The following GNPTG variants were observed in gnomAD, a reference collection of about 807,000 sequenced individuals.
GNPTG encodes N-acetylglucosamine-1-phosphotransferase subunit gamma.
A neutral mutation model predicts 43.8 loss-of-function variants in GNPTG; 46 were observed. The ratio of observed to expected loss-of-function variants is 1.05; its 90% CI spans 0.83 to 1.34. GNPTG has a LOEUF of 1.34. GNPTG is among the 40% of genes most tolerant of loss of function. GNPTG has a pLI of 0.00. For synonymous variants in GNPTG, 250 were observed against 172.8 expected, an observed-to-expected ratio of 1.45 and a Z score of -3.50; for missense variants, 549 against 411.3, an observed-to-expected ratio of 1.33 and a Z score of -2.90.
chr16:1,361,625 CAG>C, intron 3 of GNPTG, 116 bp from the exon 4 acceptor site: 6 of 1,012,734 alleles, frequency 5.9e-6, no homozygotes, highest in South Asian at 4.1e-5. Context: ...GCCTGGGTGA[CAG>C]AGTGAGACTC....
In GNPTG at chr16:1,355,533, C is replaced by T. The variant is rs147488361; in HGVS notation, c.178+3227C>T. Among the ~76,000 whole-genome samples the T allele has an allele frequency of 3.1e-3, 468 of 152,142 alleles. 4 individuals are homozygous for T. Among genetic ancestry groups the T allele is most frequent in the African/African-American group, 0.01 (430 of 41,494 alleles). On this transcript the variant is annotated intron_variant, in intron 3 of 10. Transcript: ENST00000204679. ...CCTCCACCAGATGAGTCGGGAGCCT[C>T]GTCCCTTGACAGCAGGAGGAGCAGA...
chr16:1,362,367 G>A (rs767424059), intron 7 of GNPTG, 47 bp downstream of exon 7: 26 of 1,607,682 alleles, frequency 1.6e-5, no homozygotes, highest in African/African-American at 2.7e-5. Context: ...AGCCGCGCAC[G>A]CAGCCCTGCT....
rs1162803274 is a variant in GNPTG, at chr16:1,361,734, C to T, written c.179-9C>T. The T allele has an allele frequency of 7.4e-6, 12 of 1,613,978 alleles. No homozygotes were observed. Among genetic ancestry groups the T allele is most frequent in the African/African-American group, 2.7e-5 (2 of 74,910 alleles). ...TGGACCCTGGGGATCAGTGTGAGGT[C>T]TCTTCCAGGACCCGTGCATCTCTTC... On this transcript the variant is annotated splice_polypyrimidine_tract_variant and intron_variant, in intron 3 of 10. Coordinates refer to ENST00000204679, the MANE Select transcript of GNPTG (RefSeq NM_032520.5).
intron 3 of GNPTG, 154 bp downstream of exon 3, chr16:1,352,460 C>A: frequency 2.6e-6 from 2 of 783,068 alleles, no homozygotes; most frequent in Non-Finnish European, 4.4e-6. Context: ...GAGAATATAC[C>A]AGAACGTTCT....
chr16:1,356,027 G>A (rs1348023224), intron 3 of GNPTG, among the ~76,000 whole-genome samples: 1 of 152,038 alleles, frequency 6.6e-6, no homozygotes, highest in Non-Finnish European at 1.5e-5. Flanking sequence ...TGGAGGTTGG[G>A]AGGGTACTGG....
intron 3 of GNPTG, chr16:1,360,733 T>C (rs1389895624): frequency 1.3e-5 from 2 of 152,230 alleles, no homozygotes; most frequent in Admixed American, 1.3e-4. Context: ...ATGAAACCAG[T>C]CCCTGGTGCC....
chr16:1,362,363 G>A (rs368117827), intron 7 of GNPTG, 43 bp downstream of exon 7: 34 of 1,608,734 alleles, frequency 2.1e-5, no homozygotes, highest in Admixed American at 5.0e-5. Flanking sequence ...GGTCAGCCGC[G>A]CACGCAGCCC....
intron 3 of GNPTG, among the ~76,000 whole-genome samples, chr16:1,358,006 A>C (rs1057148403): frequency 6.6e-6 from 1 of 151,396 alleles, no homozygotes; most frequent in Admixed American, 6.6e-5. Flanking sequence ...CGTGGCTGAC[A>C]GTCTCGGTGG....
chr16:1,362,385 C>CT, intron 7 of GNPTG, 65 bp downstream of exon 7: 1 of 1,609,868 alleles, frequency 6.2e-7, no homozygotes, highest in South Asian at 1.1e-5. Flanking sequence ...GCTGGAGGCC[C>CT]TGTAGTGCTG....
intron 3 of GNPTG, chr16:1,361,432 CAGG>C (rs1312101669): frequency 1.9e-5 from 7 of 369,306 alleles, no homozygotes; most frequent in African/African-American, 8.4e-5. Context: ...ATCACGAGGT[CAGG>C]AGATCGAGAC....
At chr16:1,354,860 C>T (rs1331372046) in intron 3 of GNPTG, among the ~76,000 whole-genome samples, 2 of 151,336 alleles carry the variant, frequency 1.3e-5, no homozygotes, top group African/African-American at 2.4e-5. Context: ...GTGGATAGTC[C>T]CCCGCGTCTG....
At chr16:1,357,934 C>CA (rs1361469735) in intron 3 of GNPTG, 1 of 152,578 alleles carries the variant, frequency 6.6e-6, no homozygotes, top group East Asian at 1.9e-4. Flanking sequence ...GGATGGGGGC[C>CA]AGTCCCCTCC....
rs1182599630 is a variant in GNPTG at position 1,363,297 on chromosome 16, TTAAACAAGTG to T, written c.*208_*217del. On this transcript the variant is annotated 3_prime_UTR_variant, in exon 11 of 11. Coordinates refer to ENST00000204679, the MANE Select transcript of GNPTG (RefSeq NM_032520.5). The stretch of plus-strand genomic sequence containing the variant: ...CATAAATGCTATAGTGTAAAAAAAT[TTAAACAAGTG>T]TTAACTTTAAACAGTTCGCTACAAG... 8 of 592,594 alleles carry T rather than the reference TTAAACAAGTG, an allele frequency of 1.3e-5. No individual in the cohort carries two copies. Among genetic ancestry groups the T allele is most frequent in the Non-Finnish European group, 2.4e-5 (8 of 331,816 alleles). The allele number at this position is 592,594 out of a possible 1,614,324, so 36.7% of individuals were successfully genotyped here. A position where few individuals can be genotyped will look rare whatever the true frequency, so the allele number is the denominator to read the frequency against.
chr16:1,352,507 C>T (rs1567179835), intron 3 of GNPTG: 1 of 641,192 alleles, frequency 1.6e-6, no homozygotes, highest in Non-Finnish European at 2.8e-6. Flanking sequence ...TTAGTCCTTC[C>T]TTTCCTTTCC....
chr16:1,353,335 AC>A (rs1410808019), intron 3 of GNPTG, among the ~76,000 whole-genome samples: 3 of 152,186 alleles, frequency 2.0e-5, no homozygotes, highest in African/African-American at 2.4e-5. Context: ...GGTTGCAGAA[AC>A]GAACACAGAT....
intron 3 of GNPTG, among the ~76,000 whole-genome samples, chr16:1,352,928 G>T (rs2034709992): frequency 6.6e-6 from 1 of 151,222 alleles, no homozygotes; most frequent in Non-Finnish European, 1.5e-5. Context: ...TCATTTAAAC[G>T]CTGAATGAGT....
At chr16:1,355,202 C>T (rs1249589774) in intron 3 of GNPTG, among the ~76,000 whole-genome samples, 1 of 151,732 alleles carries the variant, frequency 6.6e-6, no homozygotes, top group African/African-American at 2.4e-5. Flanking sequence ...TCTGTGGGGT[C>T]GGGTGTGGAT....
rs1761988431 is a variant in GNPTG at position 1,362,637 on chromosome 16, T to G, written c.636T>G (p.Leu212=). 6.2e-7 allele frequency: 1 copy of G among 1,614,132 alleles called. No homozygotes were observed. Among genetic ancestry groups the G allele is most frequent in the Non-Finnish European group, 8.5e-7 (1 of 1,180,014 alleles). The change falls in exon 9 of 11, where the codon CTT becomes CTG. Residue 212 remains leucine, a synonymous_variant. Coordinates refer to ENST00000204679, the MANE Select transcript of GNPTG (RefSeq NM_032520.5). ...GCCATGAGAAGTTGCTGAGGACACT[T>G]TTTGAGGATGCTGGCTACTTAAAGA... The part of the protein sequence containing the change: ...PQGHEKLLRT[L]FEDAGYLKTP...
Position 1,352,033 on chromosome 16 carries a change from G to T in GNPTG, c.52+16G>T. 6.7e-7 allele frequency: 1 copy of T among 1,493,620 alleles called. No individual in the cohort carries two copies. Among genetic ancestry groups the T allele is most frequent in the Non-Finnish European group, 8.9e-7 (1 of 1,126,686 alleles). 92.5% of individuals were successfully genotyped at this position (1,493,620 alleles called of 1,614,324 possible). ...TCGGCCGGCGGTGAGTGGCCCGGCCGTCCGCGTCCCCAGGCCCCGCGCGCG... is the reference window on the plus strand; with the variant it reads ...TCGGCCGGCGGTGAGTGGCCCGGCCTTCCGCGTCCCCAGGCCCCGCGCGCG... On this transcript the variant is annotated intron_variant, in intron 1 of 10. Transcript: ENST00000204679.
Sources: allele counts gnomAD v4.1 joint callset (sites outside exome capture counted in the v4.1 genomes callset), GRCh38; gene constraint gnomAD v4.1.1; transcripts MANE v1.5; gene names NCBI Gene and HGNC (gene_info 2026-07-23, HGNC 2026-07-21).